CTSC: variants seen among roughly 807,000 people sequenced by gnomAD.
The protein encoded by CTSC is cathepsin C.
A neutral mutation model predicts 40.9 loss-of-function variants in CTSC; 37 were observed. That is an observed-to-expected ratio of 0.91 (90% CI 0.70 to 1.19). The LOEUF (loss-of-function observed/expected upper bound fraction) is 1.19, where lower values mean the gene tolerates loss of function less well. Among genes scored for constraint, CTSC ranks in the 50% most tolerant of loss-of-function variants. CTSC has a pLI of 0.00. For synonymous variants in CTSC, 232 were observed against 207.4 expected, an observed-to-expected ratio of 1.12 and a Z score of -1.02; for missense variants, 594 against 567.3, an observed-to-expected ratio of 1.05 and a Z score of -0.48.
In CTSC at chr11:88,334,920, C is replaced by A. The variant is rs1424428017; in HGVS notation, c.318+17G>T. 2 of 1,589,532 alleles carry A rather than the reference C, an allele frequency of 1.3e-6. No individual in the cohort carries two copies. Among genetic ancestry groups the A allele is most frequent in the African/African-American group, 2.7e-5 (2 of 74,368 alleles). On this transcript the variant is annotated intron_variant, in intron 2 of 6. Transcript: ENST00000227266. ...CAAATCATTGAAAATGTAAATCCAACTTCCAACAAAACTAACCTTAAAAAA... is the reference window on the plus strand; with the variant it reads ...CAAATCATTGAAAATGTAAATCCAAATTCCAACAAAACTAACCTTAAAAAA...
chr11:88,315,495 A>G (rs1414957915), intron 2 of CTSC, among the ~76,000 whole-genome samples: 2 of 152,188 alleles, frequency 1.3e-5, no homozygotes, highest in African/African-American at 4.8e-5. Context: ...AAAATTGGAG[A>G]AGACTGCCTA....
chr11:88,324,624 G>A, intron 2 of CTSC: 1 of 984,352 alleles, frequency 1.0e-6, no homozygotes, highest in Non-Finnish European at 1.2e-6. Context: ...AGATATACAG[G>A]GAGAAATACA....
chr11:88,300,548 T>C lies in CTSC; in HGVS notation c.739A>G (p.Ser247Gly). The C allele has an allele frequency of 6.2e-7, 1 of 1,610,296 alleles. No homozygotes were observed. Among genetic ancestry groups the C allele is most frequent in the African/African-American group, 1.3e-5 (1 of 74,962 alleles). The change falls in exon 5 of 7, where the codon AGT (serine) becomes GGT (glycine). Residue 247 changes from serine (S) to glycine (G), a missense_variant. Coordinates refer to ENST00000227266, the MANE Select transcript of CTSC (RefSeq NM_001814.6). ...WRNVHGINFV[S>G]PVRNQASCGS... ...TTTTTACCTTGGTTTCGAACAGGAC[T>C]GACAAAATTGATACCATGAACATTT...
intron 1 of CTSC, among the ~76,000 whole-genome samples, chr11:88,336,409 T>G (rs541735239): frequency 7.9e-5 from 12 of 151,524 alleles, no homozygotes; most frequent in African/African-American, 2.7e-4. Context: ...CGTGGTGGCA[T>G]GTGCCCGTAA....
At chr11:88,311,143 C>T (rs1937746418) in intron 3 of CTSC, among the ~76,000 whole-genome samples, 1 of 152,194 alleles carries the variant, frequency 6.6e-6, no homozygotes, top group Non-Finnish European at 1.5e-5. Context: ...TCTGAGCACT[C>T]CGGTTGGGAG....
chr11:88,313,799 G>GA (rs373639824), intron 2 of CTSC, among the ~76,000 whole-genome samples: 2,535 of 151,320 alleles, frequency 0.017, 77 homozygotes, highest in African/African-American at 0.057. Context: ...ATGGAAAGTA[G>GA]AAAAAAAAAT....
intron 2 of CTSC, chr11:88,326,492 T>C: frequency 8.5e-7 from 1 of 1,183,260 alleles, no homozygotes; most frequent in Non-Finnish European, 1.3e-6. Context: ...GATCATATTG[T>C]CTCTTAATAT....
chr11:88,313,244 ATTG>A (rs926913088), intron 2 of CTSC, among the ~76,000 whole-genome samples: 2 of 152,038 alleles, frequency 1.3e-5, no homozygotes, highest in African/African-American at 4.8e-5. Flanking sequence ...TAATTTTTGT[ATTG>A]TTTAGTAGAG....
intron 2 of CTSC, among the ~76,000 whole-genome samples, chr11:88,313,109 G>A (rs11019273): frequency 0.31 from 47,255 of 151,936 alleles, 8,281 homozygotes; most frequent in Non-Finnish European, 0.41. Flanking sequence ...TTGCTGTGTT[G>A]CCCAGGCTGG....
chr11:88,317,897 T>A (rs796099941), intron 2 of CTSC, among the ~76,000 whole-genome samples: 57 of 152,352 alleles, frequency 3.7e-4, no homozygotes, highest in African/African-American at 1.2e-3. Context: ...TTTAAAAAAC[T>A]ATTATGATTC....
At chr11:88,335,335 C>G (rs1452350734) in intron 1 of CTSC, among the ~76,000 whole-genome samples, 2 of 151,984 alleles carry the variant, frequency 1.3e-5, no homozygotes, top group African/African-American at 4.8e-5. Context: ...CGCCTGTAAT[C>G]CTAGCACTTT....
At chr11:88,301,716 C>T (rs1393808483) in intron 4 of CTSC, among the ~76,000 whole-genome samples, 3 of 152,000 alleles carry the variant, frequency 2.0e-5, no homozygotes, top group African/African-American at 7.3e-5. Context: ...AATGAACGGA[C>T]ATTTTTGGGA....
chr11:88,318,060 T>C (rs980118653), intron 2 of CTSC, among the ~76,000 whole-genome samples: 4 of 152,208 alleles, frequency 2.6e-5, no homozygotes, highest in African/African-American at 4.8e-5. Flanking sequence ...TTTTGGGAAC[T>C]GAAGTTATTT....
At chr11:88,324,485 G>A (rs2134806006) in intron 2 of CTSC, 1 of 982,210 alleles carries the variant, frequency 1.0e-6, no homozygotes, top group Non-Finnish European at 1.2e-6. Flanking sequence ...TTCCTGATTT[G>A]TCTTTCTAGA....
intron 5 of CTSC, chr11:88,299,829 T>A (rs1944338649): frequency 6.6e-6 from 1 of 152,272 alleles, no homozygotes; most frequent in Non-Finnish European, 1.5e-5. Context: ...AAGTCATTGT[T>A]GGCTACAACT....
chr11:88,303,402 C>T (rs1185426822), intron 4 of CTSC, among the ~76,000 whole-genome samples: 1 of 152,198 alleles, frequency 6.6e-6, no homozygotes, highest in Non-Finnish European at 1.5e-5. Flanking sequence ...TTCTGGCCAA[C>T]CAGCTATAAT....
chr11:88,309,615 T>A, intron 3 of CTSC, among the ~76,000 whole-genome samples: 1 of 152,132 alleles, frequency 6.6e-6, no homozygotes, highest in East Asian at 1.9e-4. Flanking sequence ...GATGTTTCAT[T>A]TTCTATATAT....
chr11:88,331,742 T>G lies in CTSC; in HGVS notation c.318+3195A>C, dbSNP rs545866294. Among the ~76,000 whole-genome samples the G allele has an allele frequency of 4.6e-5, 7 of 152,350 alleles. No individual in the cohort carries two copies. The East Asian group carries it at 1.4e-3, about 29-fold the overall frequency. On this transcript the variant is annotated intron_variant, in intron 2 of 6. Coordinates refer to ENST00000227266, the MANE Select transcript of CTSC (RefSeq NM_001814.6). ...CAAGGCCTGTCTGTTCAGATTCTTC[T>G]TGGTGTCTCTGTGCAGTGTTCCTTC...
At chr11:88,312,362 CGT>C in intron 3 of CTSC, 24 bp downstream of exon 3, 1 of 1,610,498 alleles carries the variant, frequency 6.2e-7, no homozygotes, top group Non-Finnish European at 8.5e-7. Flanking sequence ...CAAAACTAAA[CGT>C]ATGTCTCATT....
Sources: allele counts gnomAD v4.1 joint callset (sites outside exome capture counted in the v4.1 genomes callset), GRCh38; gene constraint gnomAD v4.1.1; transcripts MANE v1.5; gene names NCBI Gene and HGNC (gene_info 2026-07-23, HGNC 2026-07-21).